The following CUBN variants were observed in gnomAD, a reference collection of about 807,000 sequenced individuals.
CUBN encodes the protein 460 kDa receptor.
CUBN carries 282 observed loss-of-function variants against 405.3 expected under a neutral mutation model. The observed-to-expected ratio is 0.70, with a 90% CI of 0.63 to 0.77. CUBN has a LOEUF of 0.77. CUBN is among the 30% of genes least tolerant of loss of function. The pLI is 0.00. For synonymous variants in CUBN, 1,684 were observed against 1,617.0 expected (o/e 1.04, Z -0.99); for missense variants, 4,514 against 4,475.2 (o/e 1.01, Z -0.25).
intron 9 of CUBN, among the ~76,000 whole-genome samples, chr10:17,110,355 T>C (rs1457138709): frequency 6.6e-6 from 1 of 152,218 alleles, no homozygotes; most frequent in Non-Finnish European, 1.5e-5. Context: ...CAGAAAACTT[T>C]TCAAATTCTG....
intron 44 of CUBN, 65 bp from the exon 45 acceptor site, chr10:16,918,865 T>A: frequency 7.2e-7 from 1 of 1,389,118 alleles, no homozygotes; most frequent in Non-Finnish European, 1.0e-6. Context: ...AATGACAACC[T>A]TACTTACTTT....
chr10:17,006,385 C>A (rs1024325132), intron 28 of CUBN, among the ~76,000 whole-genome samples: 1 of 152,174 alleles, frequency 6.6e-6, no homozygotes, highest in Non-Finnish European at 1.5e-5. Flanking sequence ...CACCCTCACA[C>A]CCTAAGGCAT....
At position 17,071,978 on chromosome 10, in the gene CUBN, A is replaced by T. The variant is rs1835750555; in HGVS notation, c.2302-7T>A. 3 of 1,607,464 alleles carry T rather than the reference A, an allele frequency of 1.9e-6. No individual in the cohort carries two copies. Among genetic ancestry groups the T allele is most frequent in the Non-Finnish European group, 2.6e-6 (3 of 1,176,148 alleles). The stretch of plus-strand genomic sequence containing the variant: ...AGGTTTCACCATCTCGAACCTAAAG[A>T]GAAAAATAAAATAGAGATGTAATTC... On this transcript the variant is annotated splice_polypyrimidine_tract_variant and splice_region_variant and intron_variant, in intron 17 of 66. Coordinates refer to ENST00000377833, the MANE Select transcript of CUBN (RefSeq NM_001081.4).
chr10:16,841,331 G>A (rs901110302), intron 60 of CUBN, among the ~76,000 whole-genome samples: 1 of 152,106 alleles, frequency 6.6e-6, no homozygotes, highest in Non-Finnish European at 1.5e-5. Flanking sequence ...TTTAACCTCT[G>A]CACCGACTCA....
At chr10:16,843,464 T>C (rs1173715397) in intron 60 of CUBN, among the ~76,000 whole-genome samples, 9 of 152,222 alleles carry the variant, frequency 5.9e-5, no homozygotes, top group Non-Finnish European at 1.2e-4. Flanking sequence ...CACCACTAGA[T>C]GGCACTGTCT....
intron 27 of CUBN, among the ~76,000 whole-genome samples, chr10:17,036,572 A>G (rs1834905665): frequency 6.6e-6 from 1 of 152,020 alleles, no homozygotes; most frequent in Non-Finnish European, 1.5e-5. Flanking sequence ...CAAGAGTGCG[A>G]GCCCAGACAA....
chr10:16,857,433 T>C (rs1839894734), intron 59 of CUBN, among the ~76,000 whole-genome samples: 1 of 152,132 alleles, frequency 6.6e-6, no homozygotes. Context: ...AGAAGGAAAA[T>C]TTTATCGTTA....
intron 27 of CUBN, among the ~76,000 whole-genome samples, chr10:17,030,297 G>A (rs879846873): frequency 5.4e-5 from 3 of 55,706 alleles, no homozygotes; most frequent in African/African-American, 1.4e-4. Flanking sequence ...CCCCACCCCC[G>A]GTCCGTGGAA....
chr10:16,914,908 T>G (rs1289426128), intron 47 of CUBN, 124 bp downstream of exon 47: 4 of 843,620 alleles, frequency 4.7e-6, no homozygotes, highest in Non-Finnish European at 7.8e-6. Flanking sequence ...AATTTCTGAT[T>G]AAGGTCCAAG....
intron 31 of CUBN, among the ~76,000 whole-genome samples, chr10:16,965,474 G>C (rs911004278): frequency 6.6e-6 from 1 of 151,694 alleles, no homozygotes; most frequent in Non-Finnish European, 1.5e-5. Flanking sequence ...TGATTAAATG[G>C]CTCGTGACCA....
intron 28 of CUBN, among the ~76,000 whole-genome samples, chr10:17,009,573 G>T (rs963084143): frequency 1.3e-5 from 2 of 152,172 alleles, no homozygotes; most frequent in Admixed American, 1.3e-4. Flanking sequence ...CCACTTAGGA[G>T]AAAGTAATCA....
At position 17,104,495 on chromosome 10, in the gene CUBN, A is replaced by G; in HGVS notation, c.1341T>C (p.Cys447=). 6.2e-7 allele frequency: 1 copy of G among 1,614,046 alleles called. No individual in the cohort carries two copies. Among genetic ancestry groups the G allele is most frequent in the Non-Finnish European group, 8.5e-7 (1 of 1,180,014 alleles). Residue 447 remains cysteine (C), a synonymous_variant, in exon 12 of 67, where the codon TGT becomes TGC. Coordinates refer to ENST00000377833, the MANE Select transcript of CUBN (RefSeq NM_001081.4). ...LSNPCLNGGT[C]VDGVDSFSCE... ...AACTGAAAGAATCAACGCCATCAACACAAGTTCCTCCATTCAAACAGGGGT... is the reference window on the plus strand; with the variant it reads ...AACTGAAAGAATCAACGCCATCAACGCAAGTTCCTCCATTCAAACAGGGGT...
At position 16,954,724 on chromosome 10, in the gene CUBN, G is replaced by A. The variant is rs897338350; in HGVS notation, c.4696-176C>T. ...TAACAAGTCTTTGGTCATTTCTAGG[G>A]ATGCTGACGTGAATTTCAGCAGGAC... On this transcript the variant is annotated intron_variant, in intron 31 of 66. Coordinates refer to ENST00000377833, the MANE Select transcript of CUBN (RefSeq NM_001081.4). Among the ~76,000 whole-genome samples, 3 of 152,104 alleles carry A rather than the reference G, an allele frequency of 2.0e-5. No individual in the cohort carries two copies. The East Asian group carries it at 5.8e-4, about 29-fold the overall frequency.
At chr10:16,919,587 C>A (rs1222217818) in intron 44 of CUBN, among the ~76,000 whole-genome samples, 1 of 152,138 alleles carries the variant, frequency 6.6e-6, no homozygotes, top group African/African-American at 2.4e-5. Flanking sequence ...CACACAAATT[C>A]CCATTTGTTA....
At chr10:16,964,654 C>A in intron 31 of CUBN, among the ~76,000 whole-genome samples, 1 of 152,144 alleles carries the variant, frequency 6.6e-6, no homozygotes, top group Non-Finnish European at 1.5e-5. Flanking sequence ...TTTAGTGTTT[C>A]ATCACTCGGA....
At chr10:17,110,464 T>A (rs563064039) in intron 9 of CUBN, among the ~76,000 whole-genome samples, 2 of 152,340 alleles carry the variant, frequency 1.3e-5, no homozygotes, top group African/African-American at 4.8e-5. Context: ...TACTAATGTG[T>A]CCTGAATTCA....
In CUBN at chr10:17,100,086, T is replaced by C; in HGVS notation, c.1684A>G (p.Asn562Asp). Residue 562 changes from asparagine to aspartate, a missense_variant, in exon 14 of 67, where the codon AAT becomes GAT. Asn to Asp is a conservative substitution (Grantham distance 23). Transcript: ENST00000377833. ...GAATAGAGATGAAAATAGAGAGCATTGTCACTGCTGAGGAGTTCATGAGGG... is the reference window on the plus strand; with the variant it reads ...GAATAGAGATGAAAATAGAGAGCATCGTCACTGCTGAGGAGTTCATGAGGG... ...SLPHELLSSD[N>D]ALYFHLYSEH... is the part of the protein sequence containing the mutation. 1.2e-6 allele frequency: 2 copies of C among 1,613,998 alleles called. No individual in the cohort carries two copies. The highest frequency in any genetic ancestry group is 1.7e-6 in the Non-Finnish European group (2 of 1,179,938).
Position 16,989,848 on chromosome 10 carries a change from T to C in CUBN, c.4350+486A>G, listed in dbSNP as rs540624484. Reference sequence around the variant, plus strand: ...CCCTGGTAGGCCATCCCTGTGCTTGTTGGCAGTGCCCAGTCTCTATGCTCC... The same window carrying C: ...CCCTGGTAGGCCATCCCTGTGCTTGCTGGCAGTGCCCAGTCTCTATGCTCC... On this transcript the variant is annotated intron_variant, in intron 29 of 66. Coordinates refer to ENST00000377833, the MANE Select transcript of CUBN (RefSeq NM_001081.4). Among the ~76,000 whole-genome samples the C allele has an allele frequency of 3.9e-5, 6 of 152,312 alleles. No individual in the cohort carries two copies. The South Asian group carries it at 1.2e-3, about 32-fold the overall frequency.
At chr10:16,937,091 G>A (rs908779412) in intron 39 of CUBN, among the ~76,000 whole-genome samples, 2 of 152,098 alleles carry the variant, frequency 1.3e-5, no homozygotes, top group Admixed American at 1.3e-4. Flanking sequence ...GAGGGGATTA[G>A]GAATGTAAAA....
Sources: allele counts gnomAD v4.1 joint callset (sites outside exome capture counted in the v4.1 genomes callset), GRCh38; gene constraint gnomAD v4.1.1; transcripts MANE v1.5; gene names NCBI Gene and HGNC (gene_info 2026-07-23, HGNC 2026-07-21).